CBFA2T2: variants seen among roughly 807,000 people sequenced by gnomAD.
The protein encoded by CBFA2T2 is CBFA2/RUNX1 partner transcriptional co-repressor 2.
A neutral mutation model predicts 62.2 loss-of-function variants in CBFA2T2; 11 were observed. The observed-to-expected ratio is 0.18, with a 90% confidence interval of 0.11 to 0.29. The LOEUF is 0.29. Ranked by LOEUF, CBFA2T2 falls within the 10% of genes least tolerant of loss-of-function variation. The probability of loss-of-function intolerance (pLI) is 1.00; values close to 1 mark genes in which losing one functional copy is unlikely to be tolerated. For missense variants in CBFA2T2, 592 were observed against 774.1 expected (o/e 0.76, Z 2.79); for synonymous variants, 295 against 287.5 (o/e 1.03, Z -0.27).
chr20:33,527,436 G>A (rs1203545943), intron 1 of CBFA2T2, among the ~76,000 whole-genome samples: 2 of 144,976 alleles, frequency 1.4e-5, no homozygotes, highest in Non-Finnish European at 3.0e-5. Context: ...GCAGTGGCGT[G>A]ATCTTGGCCC....
chr20:33,649,769 C>T lies in CBFA2T2; in HGVS notation c.*5123C>T, dbSNP rs1041520488. 1 of 152,532 alleles carries T rather than the reference C, an allele frequency of 6.6e-6. No homozygotes were observed. The highest frequency in any genetic ancestry group is 1.5e-5 in the Non-Finnish European group (1 of 68,032). 9.4% of individuals were successfully genotyped at this position (152,532 alleles called of 1,614,324 possible). A position where few individuals can be genotyped will look rare whatever the true frequency, so the allele number is the denominator to read the frequency against. On this transcript the variant is annotated 3_prime_UTR_variant, in exon 11 of 11. Coordinates refer to ENST00000342704, the MANE Select transcript of CBFA2T2 (RefSeq NM_001032999.3). ...CTGACGAGGCTACAAAGGCTCCGCTCACAAAAGAAAGCCAATAATGTAAAT... is the reference window on the plus strand; with the variant it reads ...CTGACGAGGCTACAAAGGCTCCGCTTACAAAAGAAAGCCAATAATGTAAAT...
chr20:33,620,789 C>T (rs1014539941), intron 4 of CBFA2T2, among the ~76,000 whole-genome samples: 1 of 152,236 alleles, frequency 6.6e-6, no homozygotes, highest in Non-Finnish European at 1.5e-5. Flanking sequence ...GATTGTGCCA[C>T]TGCACTCCAG....
chr20:33,616,084 GATAGATAGATA>G (rs1568854496), intron 3 of CBFA2T2, among the ~76,000 whole-genome samples: 5 of 117,944 alleles, frequency 4.2e-5, no homozygotes, highest in African/African-American at 1.5e-4. Flanking sequence ...GATAGAGATA[GATAGATAGATA>G]GATAGATAGA....
At chr20:33,582,221 G>A (rs1018596164) in intron 1 of CBFA2T2, among the ~76,000 whole-genome samples, 1 of 152,084 alleles carries the variant, frequency 6.6e-6, no homozygotes, top group African/African-American at 2.4e-5. Flanking sequence ...AGCCGGGCGC[G>A]GTGGCTCACG....
intron 1 of CBFA2T2, among the ~76,000 whole-genome samples, chr20:33,493,701 C>T (rs1219803349): frequency 6.6e-6 from 1 of 151,980 alleles, no homozygotes; most frequent in Non-Finnish European, 1.5e-5. Flanking sequence ...TGGGGTTTCA[C>T]TGTGTTTCTC....
At chr20:33,594,452 C>A (rs1447500345) in intron 1 of CBFA2T2, among the ~76,000 whole-genome samples, 35 of 152,052 alleles carry the variant, frequency 2.3e-4, no homozygotes. Flanking sequence ...GATCTCTTGA[C>A]CTCGTGATCC....
rs1308617233 is a variant in CBFA2T2, at chr20:33,608,924, A to G, written c.178+1825A>G. ...AACAAAGAAATGGCAGACTATTGCA[A>G]CTAATTTTCTGGATTGCTGAGGTTG... On this transcript the variant is annotated intron_variant, in intron 2 of 10. Transcript: ENST00000342704. Among the ~76,000 whole-genome samples the G allele has an allele frequency of 5.9e-5, 9 of 152,200 alleles. No homozygotes were observed. In the East Asian group the frequency reaches 1.7e-3, roughly 29 times the overall value.
In CBFA2T2 at chr20:33,619,500, G is replaced by T. The variant is rs764675071; in HGVS notation, c.421-17G>T. ...AGTCCAGTTTTGGAAGTTGAACAAGGTTATTTATCTTTTCAGAACTCAACA... is the reference window on the plus strand; with the variant it reads ...AGTCCAGTTTTGGAAGTTGAACAAGTTTATTTATCTTTTCAGAACTCAACA... On this transcript the variant is annotated splice_polypyrimidine_tract_variant and intron_variant, in intron 3 of 10. Coordinates refer to ENST00000342704, the MANE Select transcript of CBFA2T2 (RefSeq NM_001032999.3). 2.6e-6 allele frequency: 4 copies of T among 1,517,426 alleles called. No homozygotes were observed. Among genetic ancestry groups the T allele is most frequent in the Non-Finnish European group, 3.6e-6 (4 of 1,122,050 alleles). The allele number at this position is 1,517,426 out of a possible 1,614,324, so 94.0% of individuals were successfully genotyped here. A position where few individuals can be genotyped will look rare whatever the true frequency, so the allele number is the denominator to read the frequency against.
intron 10 of CBFA2T2, among the ~76,000 whole-genome samples, chr20:33,642,927 A>G (rs1254639972): frequency 6.6e-6 from 1 of 152,222 alleles, no homozygotes; most frequent in South Asian, 2.1e-4. Flanking sequence ...TAAGCCACAA[A>G]GTAGCCTCCA....
At chr20:33,494,239 A>G (rs948325732) in intron 1 of CBFA2T2, among the ~76,000 whole-genome samples, 2 of 28,480 alleles carry the variant, frequency 7.0e-5, no homozygotes, top group South Asian at 3.4e-3. Context: ...AGGCATATAT[A>G]TGTGTATATA....
chr20:33,535,815 G>C (rs966668783), intron 1 of CBFA2T2, among the ~76,000 whole-genome samples: 17 of 152,022 alleles, frequency 1.1e-4, no homozygotes, highest in Admixed American at 1.0e-3. Context: ...AGGACCCTGC[G>C]GCCTTCCGCA....
intron 1 of CBFA2T2, among the ~76,000 whole-genome samples, chr20:33,503,211 T>C (rs1484916626): frequency 6.6e-6 from 1 of 150,504 alleles, no homozygotes; most frequent in Non-Finnish European, 1.5e-5. Flanking sequence ...CACATACATA[T>C]ACACATATCA....
intron 4 of CBFA2T2, among the ~76,000 whole-genome samples, chr20:33,622,691 A>T (rs905214069): frequency 1.3e-5 from 2 of 152,214 alleles, no homozygotes; most frequent in African/African-American, 4.8e-5. Context: ...GCTGGAAGGA[A>T]GGTTGAGTAG....
rs1010793655 is a variant in CBFA2T2, at chr20:33,508,594, T to C, written c.34+18293T>C. On this transcript the variant is annotated intron_variant, in intron 1 of 10. Transcript: ENST00000342704. Reference sequence around the variant, plus strand: ...CCTCCTCCCACCCTCCACTTTCCCATAGGCTCCAGTGTGTTTTGTTCCCCT... The same window carrying C: ...CCTCCTCCCACCCTCCACTTTCCCACAGGCTCCAGTGTGTTTTGTTCCCCT... Among the ~76,000 whole-genome samples, 4 of 152,190 alleles carry C rather than the reference T, an allele frequency of 2.6e-5. No individual in the cohort carries two copies. The East Asian group carries it at 5.8e-4, about 22-fold the overall frequency.
At chr20:33,543,228 G>A (rs959708027) in intron 1 of CBFA2T2, among the ~76,000 whole-genome samples, 1 of 151,730 alleles carries the variant, frequency 6.6e-6, no homozygotes, top group Admixed American at 6.6e-5. Flanking sequence ...GGTCAGGCTG[G>A]TCTTAACTCC....
chr20:33,615,267 A>T (rs1361728655), intron 3 of CBFA2T2, among the ~76,000 whole-genome samples: 2 of 152,252 alleles, frequency 1.3e-5, no homozygotes, highest in East Asian at 3.8e-4. Context: ...TAACTATACC[A>T]GAAAGCAAGC....
At chr20:33,640,215 T>C (rs1000029626) in intron 9 of CBFA2T2, 126 bp from the exon 10 acceptor site, 2 of 868,194 alleles carry the variant, frequency 2.3e-6, no homozygotes, top group African/African-American at 1.7e-5. Context: ...GTGAAGATCA[T>C]GTGTTCCTCC....
At chr20:33,610,126 T>A (rs914260486) in intron 2 of CBFA2T2, among the ~76,000 whole-genome samples, 2 of 152,054 alleles carry the variant, frequency 1.3e-5, no homozygotes, top group East Asian at 3.9e-4. Context: ...CTACAAAAAA[T>A]TTTAAAAAAA....
rs115126059 is a variant in CBFA2T2 at position 33,521,562 on chromosome 20, G to A, written c.34+31261G>A. Among the ~76,000 whole-genome samples the A allele has an allele frequency of 4.2e-3, 637 of 152,282 alleles. 4 individuals are homozygous for A. The highest frequency in any genetic ancestry group is 0.014 in the African/African-American group (591 of 41,556). ...CTGACCTGGGCTTGCCTGATCTACA[G>A]CTAACATTGTTCTAATAAACTGCAT... On this transcript the variant is annotated intron_variant, in intron 1 of 10. Coordinates refer to ENST00000342704, the MANE Select transcript of CBFA2T2 (RefSeq NM_001032999.3).
Sources: gnomAD v4.1 joint callset for allele counts (sites outside exome capture counted in the v4.1 genomes callset) on GRCh38, gnomAD v4.1.1 for gene constraint, MANE v1.5 for transcripts, NCBI Gene and HGNC (gene_info 2026-07-23, HGNC 2026-07-21) for gene names.